PPARG: variants seen among roughly 807,000 people sequenced by gnomAD.
PPARG encodes peroxisome proliferator-activated receptor gamma.
In PPARG, 17 loss-of-function variants were observed where a neutral mutation model predicts 39.2. The observed-to-expected ratio is 0.43, with a 90% CI of 0.30 to 0.65. The LOEUF is 0.65. PPARG is among the 30% of genes least tolerant of loss of function. PPARG has a pLI of 0.13. For synonymous variants in PPARG, 223 were observed against 215.7 expected (o/e 1.03, Z -0.30); for missense variants, 406 against 585.9 (o/e 0.69, Z 3.17).
rs2049037735 is a variant in PPARG, at chr3:12,366,954, G to A, written c.-8-12750G>A. Among the ~76,000 whole-genome samples, 4 of 152,142 alleles carry A rather than the reference G, an allele frequency of 2.6e-5. No homozygotes were observed. In the South Asian group the frequency reaches 8.3e-4, roughly 32 times the overall value. On this transcript the variant is annotated intron_variant, in intron 2 of 7. Coordinates refer to ENST00000651735, the MANE Select transcript of PPARG (RefSeq NM_138711.6). ...CCCTCTGCTTTTATATTCTGAAAGA[G>A]ATTTCAGAGAATTGGTATAATTTCT...
chr3:12,310,608 C>T (rs1381016598), intron 1 of PPARG, among the ~76,000 whole-genome samples: 2 of 121,956 alleles, frequency 1.6e-5, no homozygotes, highest in Non-Finnish European at 3.5e-5. Flanking sequence ...GGACTACAGG[C>T]GCCCGCCACT....
intron 2 of PPARG, among the ~76,000 whole-genome samples, chr3:12,349,741 G>A (rs1262500149): frequency 5.9e-5 from 9 of 152,122 alleles, no homozygotes; most frequent in Non-Finnish European, 8.8e-5. Flanking sequence ...GGGGGAAGAC[G>A]GAATGTCAGA....
chr3:12,359,674 C>CTTTTTTTTTTTTTT (rs71628752), intron 2 of PPARG, among the ~76,000 whole-genome samples: 6 of 129,850 alleles, frequency 4.6e-5, no homozygotes, highest in East Asian at 2.1e-4. Flanking sequence ...TCTTTTATTT[C>CTTTTTTTTTTTTTT]TTTTTTTTTT....
At chr3:12,421,408 G>A (rs866419357) in intron 7 of PPARG, among the ~76,000 whole-genome samples, 2 of 152,146 alleles carry the variant, frequency 1.3e-5, no homozygotes, top group African/African-American at 2.4e-5. Context: ...AACTGGCGCC[G>A]CAGCATCATG....
intron 7 of PPARG, among the ~76,000 whole-genome samples, chr3:12,421,874 G>A (rs1452841122): frequency 2.6e-5 from 4 of 152,172 alleles, no homozygotes; most frequent in African/African-American, 2.4e-5. Context: ...CCTTCTCTGT[G>A]AAGCCACTTT....
chr3:12,311,709 A>G (rs900828019), intron 1 of PPARG, among the ~76,000 whole-genome samples: 1 of 152,190 alleles, frequency 6.6e-6, no homozygotes, highest in Non-Finnish European at 1.5e-5. Context: ...CATGGAAAAT[A>G]CAGCTATTCT....
intron 2 of PPARG, among the ~76,000 whole-genome samples, chr3:12,379,078 C>G (rs2049524091): frequency 6.6e-6 from 1 of 151,794 alleles, no homozygotes; most frequent in Admixed American, 6.6e-5. Flanking sequence ...GTGATCTCAC[C>G]TTACTGCTAC....
chr3:12,289,742 G>A (rs1189754458), intron 1 of PPARG, among the ~76,000 whole-genome samples: 1 of 152,170 alleles, frequency 6.6e-6, no homozygotes, highest in Non-Finnish European at 1.5e-5. Flanking sequence ...GACATTCACT[G>A]TGGCTTTTCT....
intron 2 of PPARG, among the ~76,000 whole-genome samples, chr3:12,357,538 CCTCTA>C (rs1426773271): frequency 6.6e-6 from 1 of 152,178 alleles, no homozygotes; most frequent in East Asian, 1.9e-4. Flanking sequence ...TGCCCTTCCT[CCTCTA>C]CTCTACAATT....
chr3:12,326,478 C>T (rs957334776), intron 2 of PPARG, among the ~76,000 whole-genome samples: 13 of 152,242 alleles, frequency 8.5e-5, no homozygotes, highest in African/African-American at 2.9e-4. Context: ...GAACATTTGT[C>T]CAAATACATG....
chr3:12,378,128 G>A (rs2049486886), intron 2 of PPARG, among the ~76,000 whole-genome samples: 1 of 152,278 alleles, frequency 6.6e-6, no homozygotes, highest in East Asian at 1.9e-4. Context: ...AGAAGTGTTG[G>A]CAAGGATGTG....
At chr3:12,344,719 C>T (rs1053456889) in intron 2 of PPARG, 2 of 152,128 alleles carry the variant, frequency 1.3e-5, no homozygotes, top group African/African-American at 2.4e-5. Context: ...GATGACTGCT[C>T]TTATTGCTTT....
chr3:12,431,770 C>T (rs1340032273), intron 7 of PPARG, among the ~76,000 whole-genome samples: 3 of 151,934 alleles, frequency 2.0e-5, no homozygotes, highest in Non-Finnish European at 4.4e-5. Context: ...CAAGACCCCA[C>T]CTCTACAAAA....
At chr3:12,293,604 G>C (rs1283543602) in intron 1 of PPARG, among the ~76,000 whole-genome samples, 1 of 152,172 alleles carries the variant, frequency 6.6e-6, no homozygotes. Flanking sequence ...CATGATTACT[G>C]TGTATAGTCT....
intron 3 of PPARG, among the ~76,000 whole-genome samples, chr3:12,380,512 A>T (rs2049605951): frequency 6.6e-6 from 1 of 152,170 alleles, no homozygotes; most frequent in South Asian, 2.1e-4. Context: ...TTTTGAGATA[A>T]AATGTATTTC....
intron 7 of PPARG, among the ~76,000 whole-genome samples, chr3:12,418,659 A>G (rs2051159056): frequency 6.6e-6 from 1 of 152,208 alleles, no homozygotes; most frequent in East Asian, 1.9e-4. Flanking sequence ...AGTAAGGACC[A>G]TTTTACAAAT....
chr3:12,330,632 C>A (rs1303191817), intron 2 of PPARG, among the ~76,000 whole-genome samples: 1 of 152,186 alleles, frequency 6.6e-6, no homozygotes, highest in Non-Finnish European at 1.5e-5. Flanking sequence ...AGGTCAAATG[C>A]TTTTTGTGCT....
intron 6 of PPARG, among the ~76,000 whole-genome samples, chr3:12,407,320 C>T (rs1422419619): frequency 6.6e-6 from 1 of 152,110 alleles, no homozygotes; most frequent in Non-Finnish European, 1.5e-5. Context: ...GCCACCATGC[C>T]CAGCTAATTT....
chr3:12,327,956 TA>T, intron 2 of PPARG: 1 of 730,536 alleles, frequency 1.4e-6, no homozygotes, highest in Non-Finnish European at 2.4e-6. Flanking sequence ...TATGGAAAGG[TA>T]AAATGGGAAT....
Sources: gnomAD v4.1 joint callset for allele counts (sites outside exome capture counted in the v4.1 genomes callset) on GRCh38, gnomAD v4.1.1 for gene constraint, MANE v1.5 for transcripts, NCBI Gene and HGNC (gene_info 2026-07-23, HGNC 2026-07-21) for gene names.